LONRF2: variants seen among roughly 807,000 people sequenced by gnomAD.
The protein encoded by LONRF2 is LON peptidase N-terminal domain and ring finger 2.
In LONRF2, 35 loss-of-function variants were observed where a neutral mutation model predicts 66.6. The ratio of observed to expected loss-of-function variants is 0.53; its 90% CI spans 0.40 to 0.70. The LOEUF is 0.70. Ranked by LOEUF, LONRF2 falls within the 30% of genes least tolerant of loss-of-function variation. LONRF2 has a pLI of 0.00. For synonymous variants in LONRF2, 417 were observed against 418.1 expected (o/e 1.00, Z 0.03); for missense variants, 902 against 1,002.1 (o/e 0.90, Z 1.35).
chr2:100,285,704 G>A (rs7421891), intron 11 of LONRF2, among the ~76,000 whole-genome samples: 94,856 of 151,876 alleles, frequency 0.62, 30,175 homozygotes, highest in East Asian at 0.94. Flanking sequence ...ATGGAGGAAG[G>A]AAGCCGAGGA....
chr2:100,303,506 T>C (rs1323349591), intron 2 of LONRF2, among the ~76,000 whole-genome samples: 3 of 152,240 alleles, frequency 2.0e-5, no homozygotes, highest in African/African-American at 7.2e-5. Flanking sequence ...TAATTTCCCA[T>C]GGCATTTTCT....
chr2:100,299,922 GTT>G lies in LONRF2; in HGVS notation c.1066-6_1066-5del. ...TATCAGATTTCTCAGATGAATTCTG[GTT>G]AAGTGGGAAAAAAAGGAATCCTGAG... On this transcript the variant is annotated splice_polypyrimidine_tract_variant and splice_region_variant and intron_variant, in intron 4 of 11. Transcript: ENST00000393437. 6.6e-7 allele frequency: 1 copy of G among 1,516,374 alleles called. No individual in the cohort carries two copies. The highest frequency in any genetic ancestry group is 1.8e-5 in the Admixed American group (1 of 56,686). 93.9% of individuals were successfully genotyped at this position (1,516,374 alleles called of 1,614,324 possible).
chr2:100,310,134 G>C (rs976636153), intron 1 of LONRF2, among the ~76,000 whole-genome samples: 2 of 145,982 alleles, frequency 1.4e-5, no homozygotes, highest in Admixed American at 1.4e-4. Context: ...ACAGACTTAA[G>C]TCCAGCTACA....
In LONRF2 at chr2:100,278,560, T is replaced by C. The variant is rs1674645418; in HGVS notation, c.*5738A>G. ...CTTGTCACCACTGATGTGGGGGCTTTCGCTGGTTTATGATCCAGAGACCCA... is the reference window on the plus strand; with the variant it reads ...CTTGTCACCACTGATGTGGGGGCTTCCGCTGGTTTATGATCCAGAGACCCA... On this transcript the variant is annotated 3_prime_UTR_variant, in exon 12 of 12. Coordinates refer to ENST00000393437, the MANE Select transcript of LONRF2 (RefSeq NM_198461.4). 6.6e-6 allele frequency: 1 copy of C among 152,200 alleles called. No homozygotes were observed. The highest frequency in any genetic ancestry group is 2.1e-4 in the South Asian group (1 of 4,830). The allele number at this position is 152,200 out of a possible 1,614,324, so 9.4% of individuals were successfully genotyped here. A position where few individuals can be genotyped will look rare whatever the true frequency, so the allele number is the denominator to read the frequency against.
At chr2:100,313,494 C>T (rs1675447621) in intron 1 of LONRF2, among the ~76,000 whole-genome samples, 1 of 151,912 alleles carries the variant, frequency 6.6e-6, no homozygotes, top group Non-Finnish European at 1.5e-5. Context: ...GACCCAGTTT[C>T]AAATAAATAA....
intron 9 of LONRF2, among the ~76,000 whole-genome samples, chr2:100,292,343 T>C (rs1413315839): frequency 6.6e-6 from 1 of 152,294 alleles, no homozygotes; most frequent in Non-Finnish European, 1.5e-5. Context: ...CCTTCGTGAG[T>C]GCAGCTCTCC....
At chr2:100,313,037 A>G (rs1675439310) in intron 1 of LONRF2, among the ~76,000 whole-genome samples, 1 of 152,234 alleles carries the variant, frequency 6.6e-6, no homozygotes, top group Non-Finnish European at 1.5e-5. Flanking sequence ...CCAGGCTTTG[A>G]GAGGAAAAGA....
chr2:100,290,070 G>A (rs1358493112), intron 10 of LONRF2, among the ~76,000 whole-genome samples, 188 bp downstream of exon 10: 4 of 152,106 alleles, frequency 2.6e-5, no homozygotes, highest in Non-Finnish European at 2.9e-5. Context: ...TCATGCTGCT[G>A]CACTCTAGCC....
chr2:100,280,896 T>G lies in LONRF2; in HGVS notation c.*3402A>C, dbSNP rs1674704709. On this transcript the variant is annotated 3_prime_UTR_variant, in exon 12 of 12. Transcript: ENST00000393437. The stretch of plus-strand genomic sequence containing the variant: ...GAAATCACCCACATTTATTTTCTTC[T>G]AATTTGCTATCACCTTTCTTCTTCA... The G allele has an allele frequency of 6.6e-6, 1 of 152,260 alleles. No homozygotes were observed. The highest frequency in any genetic ancestry group is 2.4e-5 in the African/African-American group (1 of 41,474). The allele number at this position is 152,260 out of a possible 1,614,324, so 9.4% of individuals were successfully genotyped here.
At chr2:100,294,594 T>A (rs1427062127) in intron 8 of LONRF2, among the ~76,000 whole-genome samples, 1 of 152,196 alleles carries the variant, frequency 6.6e-6, no homozygotes, top group Non-Finnish European at 1.5e-5. Flanking sequence ...CTGTCTTATT[T>A]AACTTGAGGA....
Position 100,294,219 on chromosome 2 carries a change from C to T in LONRF2, c.1757+10G>A. 6.2e-7 allele frequency: 1 copy of T among 1,602,766 alleles called. No homozygotes were observed. On this transcript the variant is annotated intron_variant, in intron 9 of 11. Coordinates refer to ENST00000393437, the MANE Select transcript of LONRF2 (RefSeq NM_198461.4). ...TAGGACCCTTTGAACCAAATGCTAA[C>T]AGTTCTTACCCCGCGTGCTCAGCAG...
rs1351571187 is a variant in LONRF2 at position 100,321,402 on chromosome 2, G to A, written c.679+13C>T. 2 of 1,429,558 alleles carry A rather than the reference G, an allele frequency of 1.4e-6. No individual in the cohort carries two copies. The highest frequency in any genetic ancestry group is 6.1e-5 in the Admixed American group (2 of 32,944). 88.6% of individuals were successfully genotyped at this position (1,429,558 alleles called of 1,614,324 possible). ...GGTGTAGGGGAGGCGGACCCGCCCC[G>A]CAGCCGACTCACCCAGCTCCAGGGC... On this transcript the variant is annotated intron_variant, in intron 1 of 11. Coordinates refer to ENST00000393437, the MANE Select transcript of LONRF2 (RefSeq NM_198461.4).
intron 10 of LONRF2, 52 bp from the exon 11 acceptor site, chr2:100,287,115 A>T (rs568819213): frequency 6.4e-7 from 1 of 1,553,358 alleles, no homozygotes; most frequent in Non-Finnish European, 8.7e-7. Context: ...TAATGCACGT[A>T]ACACAGTCAG....
intron 7 of LONRF2, among the ~76,000 whole-genome samples, chr2:100,296,929 A>G (rs1440808646): frequency 6.6e-6 from 1 of 152,198 alleles, no homozygotes; most frequent in East Asian, 1.9e-4. Context: ...TTGAAGAAAG[A>G]CAAAACTATA....
At chr2:100,313,214 G>A (rs974911924) in intron 1 of LONRF2, among the ~76,000 whole-genome samples, 1 of 152,218 alleles carries the variant, frequency 6.6e-6, no homozygotes, top group African/African-American at 2.4e-5. Flanking sequence ...AGTTAAATGA[G>A]CCAGGCGTGG....
chr2:100,311,425 G>C (rs138778571), intron 1 of LONRF2, among the ~76,000 whole-genome samples: 7 of 152,132 alleles, frequency 4.6e-5, no homozygotes, highest in African/African-American at 1.7e-4. Flanking sequence ...GGTTATGCCT[G>C]CTGCAAACCT....
intron 1 of LONRF2, among the ~76,000 whole-genome samples, chr2:100,310,077 C>T (rs1380800155): frequency 1.3e-5 from 2 of 152,216 alleles, no homozygotes; most frequent in African/African-American, 4.8e-5. Context: ...ACTCCTTTCT[C>T]TGCATTCCTC....
chr2:100,320,226 G>A (rs1490976584), intron 1 of LONRF2, among the ~76,000 whole-genome samples: 1 of 152,168 alleles, frequency 6.6e-6, no homozygotes, highest in Non-Finnish European at 1.5e-5. Context: ...CAAATTATGT[G>A]TGGCTTACAC....
intron 9 of LONRF2, among the ~76,000 whole-genome samples, chr2:100,291,777 T>G (rs536190685): frequency 1.3e-5 from 2 of 152,174 alleles, no homozygotes; most frequent in East Asian, 3.9e-4. Context: ...AGGGTGGTAT[T>G]CTAGGCTATG....
Sources: allele counts gnomAD v4.1 joint callset (sites outside exome capture counted in the v4.1 genomes callset), GRCh38; gene constraint gnomAD v4.1.1; transcripts MANE v1.5; gene names NCBI Gene and HGNC (gene_info 2026-07-23, HGNC 2026-07-21).